Variants in UBP1 observed in about 807,000 individuals in gnomAD.
UBP1 encodes upstream binding protein 1, also known as upstream-binding protein 1.
UBP1 carries 22 observed loss-of-function variants against 76.1 expected under a neutral mutation model. The ratio of observed to expected loss-of-function variants is 0.29; its 90% CI spans 0.21 to 0.41. The LOEUF is 0.41. Ranked by LOEUF, UBP1 falls within the 10% of genes least tolerant of loss-of-function variation. The pLI is 1.00. For missense variants in UBP1, 436 were observed against 668.1 expected, an observed-to-expected ratio of 0.65 and a Z score of 3.83; for synonymous variants, 224 against 237.1, an observed-to-expected ratio of 0.94 and a Z score of 0.51.
At chr3:33,425,250 T>C (rs2044992653) in intron 2 of UBP1, among the ~76,000 whole-genome samples, 2 of 152,192 alleles carry the variant, frequency 1.3e-5, no homozygotes, top group African/African-American at 4.8e-5. Flanking sequence ...AAAATCCAGG[T>C]TCCTTGCTAG....
At chr3:33,412,021 T>C (rs1429965976) in intron 4 of UBP1, among the ~76,000 whole-genome samples, 1 of 152,004 alleles carries the variant, frequency 6.6e-6, no homozygotes, top group Non-Finnish European at 1.5e-5. Context: ...ACCCCGTCTC[T>C]ACTAAAAATA....
rs1389314295 is a variant in UBP1 at position 33,426,586 on chromosome 3, C to T, written c.114-845G>A. Among the ~76,000 whole-genome samples, 6 of 152,182 alleles carry T rather than the reference C, an allele frequency of 3.9e-5. No individual in the cohort carries two copies. In the East Asian group the frequency reaches 1.2e-3, roughly 29 times the overall value. On this transcript the variant is annotated intron_variant, in intron 1 of 15. Coordinates refer to ENST00000283629, the MANE Select transcript of UBP1 (RefSeq NM_014517.5). ...CCCATACCCATTAGTAGTCACTCAC[C>T]ATACTATCCCAGACCCACTCAGCCC...
At chr3:33,390,670 C>T in intron 15 of UBP1, 1 of 393,688 alleles carries the variant, frequency 2.5e-6, no homozygotes. Flanking sequence ...TAGTGCTGTC[C>T]ATAAGGGGAG....
chr3:33,395,188 T>C (rs2043926466), intron 13 of UBP1, among the ~76,000 whole-genome samples: 1 of 152,182 alleles, frequency 6.6e-6, no homozygotes, highest in Non-Finnish European at 1.5e-5. Context: ...GCTTTTGAAG[T>C]CAAAATAATA....
At position 33,389,578 on chromosome 3, in the gene UBP1, G is replaced by A. The variant is rs952189552; in HGVS notation, c.*753C>T. 4.6e-5 allele frequency: 7 copies of A among 152,070 alleles called. No individual in the cohort carries two copies. The highest frequency in any genetic ancestry group is 1.0e-4 in the Non-Finnish European group (7 of 68,020). 9.4% of individuals were successfully genotyped at this position (152,070 alleles called of 1,614,324 possible). A position where few individuals can be genotyped will look rare whatever the true frequency, so the allele number is the denominator to read the frequency against. On this transcript the variant is annotated 3_prime_UTR_variant, in exon 16 of 16. Coordinates refer to ENST00000283629, the MANE Select transcript of UBP1 (RefSeq NM_014517.5). ...AAGGAATCTCCAAAAATGAAAACCA[G>A]AAACTAAAATGCTAAAAATGGAAGC...
intron 10 of UBP1, 98 bp downstream of exon 10, chr3:33,400,864 C>G: frequency 8.3e-7 from 1 of 1,198,852 alleles, no homozygotes; most frequent in South Asian, 1.4e-5. Context: ...ATACATGTAA[C>G]AAAACTTCTC....
intron 14 of UBP1, 26 bp from the exon 15 acceptor site, chr3:33,392,640 G>A: frequency 6.3e-7 from 1 of 1,583,810 alleles, no homozygotes; most frequent in Non-Finnish European, 8.6e-7. Context: ...AAATGCGTAA[G>A]TACAATTAAG....
At chr3:33,397,763 T>C (rs908858834) in intron 11 of UBP1, 2 of 152,198 alleles carry the variant, frequency 1.3e-5, no homozygotes, top group Admixed American at 6.5e-5. Flanking sequence ...CTACTTACGA[T>C]GTCATTTACA....
At chr3:33,433,398 T>C (rs1318555278) in intron 1 of UBP1, among the ~76,000 whole-genome samples, 10 of 137,330 alleles carry the variant, frequency 7.3e-5, no homozygotes, top group Non-Finnish European at 1.2e-4. Flanking sequence ...AAGACTACCA[T>C]AGGCCGGGCA....
intron 1 of UBP1, among the ~76,000 whole-genome samples, chr3:33,432,623 TC>T (rs2045133042): frequency 6.6e-6 from 1 of 152,160 alleles, no homozygotes; most frequent in Non-Finnish European, 1.5e-5. Flanking sequence ...ATCTTTGCAT[TC>T]CCCACCCACA....
Position 33,439,923 on chromosome 3 carries a change from G to C in UBP1, c.-75C>G, listed in dbSNP as rs1012090606. The C allele has an allele frequency of 6.5e-6, 10 of 1,541,758 alleles. No homozygotes were observed. The East Asian group carries it at 2.1e-4, about 33-fold the overall frequency. On this transcript the variant is annotated 5_prime_UTR_variant, in exon 1 of 16. Transcript: ENST00000283629. ...GAAGGAGCCGGAGCTCCGCTGGCGC[G>C]TCCTGGGGGAGGGCGCGGGTGAAGC...
chr3:33,411,875 G>T (rs111438378), intron 4 of UBP1, among the ~76,000 whole-genome samples, 188 bp from the exon 5 acceptor site: 1 of 150,472 alleles, frequency 6.6e-6, no homozygotes, highest in Non-Finnish European at 1.5e-5. Flanking sequence ...CCCCTACCAT[G>T]GTTTGTATTT....
At chr3:33,441,307 G>C (rs905401047), upstream of UBP1, 1 of 152,296 alleles carries the variant, frequency 6.6e-6, no homozygotes, top group Non-Finnish European at 1.5e-5. Flanking sequence ...AGGAGCGGCT[G>C]CTGGCGCTTG....
At chr3:33,399,770 T>C (rs1299768982) in intron 11 of UBP1, among the ~76,000 whole-genome samples, 1 of 152,206 alleles carries the variant, frequency 6.6e-6, no homozygotes, top group African/African-American at 2.4e-5. Flanking sequence ...ACATACGTTG[T>C]GCCAATGTCA....
At chr3:33,425,910 T>C (rs955419920) in intron 1 of UBP1, among the ~76,000 whole-genome samples, 169 bp from the exon 2 acceptor site, 2 of 148,664 alleles carry the variant, frequency 1.3e-5, no homozygotes, top group Admixed American at 6.7e-5. Flanking sequence ...AAAAGAACTA[T>C]GAATGCTATG....
At chr3:33,433,516 G>A (rs1441353394) in intron 1 of UBP1, among the ~76,000 whole-genome samples, 1 of 151,744 alleles carries the variant, frequency 6.6e-6, no homozygotes, top group Non-Finnish European at 1.5e-5. Flanking sequence ...AGCTGGGCGT[G>A]GTGGCATGCA....
At chr3:33,432,905 A>T (rs1302814238) in intron 1 of UBP1, among the ~76,000 whole-genome samples, 1 of 152,200 alleles carries the variant, frequency 6.6e-6, no homozygotes, top group African/African-American at 2.4e-5. Context: ...GGTGAAGGGT[A>T]CATGTGAACT....
chr3:33,427,909 A>G (rs2045046090), intron 1 of UBP1, among the ~76,000 whole-genome samples: 1 of 152,210 alleles, frequency 6.6e-6, no homozygotes, highest in Admixed American at 6.5e-5. Context: ...AGAAGACTTC[A>G]GGCCAGGAGC....
rs946656742 is a variant in UBP1 at position 33,389,895 on chromosome 3, C to T, written c.*436G>A. The T allele has an allele frequency of 3.0e-5, 5 of 165,034 alleles. No homozygotes were observed. Among genetic ancestry groups the T allele is most frequent in the South Asian group, 1.8e-4 (1 of 5,640 alleles). The allele number at this position is 165,034 out of a possible 1,614,324, so 10.2% of individuals were successfully genotyped here. A position where few individuals can be genotyped will look rare whatever the true frequency, so the allele number is the denominator to read the frequency against. ...ATTCACTGCTGGCCCCACAACAGCA[C>T]TGTCCCCCATCTCCTCTCCAGGTCA... On this transcript the variant is annotated 3_prime_UTR_variant, in exon 16 of 16. Coordinates refer to ENST00000283629, the MANE Select transcript of UBP1 (RefSeq NM_014517.5).
Sources: allele counts gnomAD v4.1 joint callset (sites outside exome capture counted in the v4.1 genomes callset), GRCh38; gene constraint gnomAD v4.1.1; transcripts MANE v1.5; gene names NCBI Gene and HGNC (gene_info 2026-07-23, HGNC 2026-07-21).